Variants in CSMD1 observed in about 807,000 individuals in gnomAD.
CSMD1 encodes CUB and sushi domain-containing protein 1.
In CSMD1, 213 loss-of-function variants were observed where a neutral mutation model predicts 417.5. The observed-to-expected ratio is 0.51, with a 90% CI of 0.46 to 0.57. CSMD1 has a LOEUF of 0.57. Among genes scored for constraint, CSMD1 ranks in the 20% least tolerant of loss-of-function variants. The probability of loss-of-function intolerance (pLI) is 0.00; values close to 1 mark genes in which losing one functional copy is unlikely to be tolerated. For missense variants in CSMD1, 6,923 were observed against 4,529.7 expected (o/e 1.53, Z -15.17); for synonymous variants, 2,862 against 1,736.8 (o/e 1.65, Z -16.11).
intron 5 of CSMD1, among the ~76,000 whole-genome samples, chr8:3,778,163 G>C (rs956591927): frequency 5.3e-5 from 8 of 152,230 alleles, no homozygotes; most frequent in Non-Finnish European, 1.2e-4. Context: ...TGTCAGGATA[G>C]ATTAGAGGCG....
At chr8:3,464,970 C>G (rs1446884086) in intron 12 of CSMD1, among the ~76,000 whole-genome samples, 1 of 152,168 alleles carries the variant, frequency 6.6e-6, no homozygotes, top group Non-Finnish European at 1.5e-5. Context: ...TTCACACTCT[C>G]TCTCTCTCGT....
intron 3 of CSMD1, among the ~76,000 whole-genome samples, chr8:4,206,693 T>C (rs938137535): frequency 1.3e-5 from 2 of 152,226 alleles, no homozygotes; most frequent in African/African-American, 4.8e-5. Flanking sequence ...CCTTTGGGTA[T>C]ATACCCTGTA....
intron 5 of CSMD1, among the ~76,000 whole-genome samples, chr8:3,757,682 G>A (rs558092233): frequency 2.0e-5 from 3 of 151,990 alleles, no homozygotes; most frequent in African/African-American, 7.2e-5. Context: ...GGCCAACATG[G>A]TGAAACCCTG....
intron 5 of CSMD1, among the ~76,000 whole-genome samples, chr8:3,835,658 A>G (rs550764808): frequency 5.1e-4 from 78 of 151,836 alleles, no homozygotes; most frequent in African/African-American, 1.1e-3. Flanking sequence ...ACATGTATAC[A>G]TATGTAACAA....
chr8:4,578,575 G>T (rs1481518808), intron 2 of CSMD1, among the ~76,000 whole-genome samples: 1 of 151,264 alleles, frequency 6.6e-6, no homozygotes, highest in South Asian at 2.1e-4. Context: ...TCGGCATTTT[G>T]GGAGGCCAAG....
intron 5 of CSMD1, among the ~76,000 whole-genome samples, chr8:3,830,266 G>C (rs1190337017): frequency 1.3e-5 from 2 of 152,198 alleles, no homozygotes; most frequent in Non-Finnish European, 2.9e-5. Context: ...AATCAGCACA[G>C]TTAGTCACAT....
intron 3 of CSMD1, among the ~76,000 whole-genome samples, chr8:4,047,007 T>G (rs958888342): frequency 6.6e-6 from 1 of 152,304 alleles, no homozygotes; most frequent in South Asian, 2.1e-4. Context: ...ATGCATGACT[T>G]AGCCCTATAG....
chr8:3,547,808 A>C (rs1028760288), intron 10 of CSMD1, among the ~76,000 whole-genome samples: 3 of 152,196 alleles, frequency 2.0e-5, no homozygotes, highest in Non-Finnish European at 4.4e-5. Flanking sequence ...AAAGAAAATA[A>C]AATGATTAAA....
chr8:4,693,518 G>C (rs1806911700), intron 1 of CSMD1, among the ~76,000 whole-genome samples: 1 of 152,222 alleles, frequency 6.6e-6, no homozygotes. Flanking sequence ...TTTCACTTGA[G>C]TCTGCTTCTT....
chr8:4,118,853 C>G (rs1160034900), intron 3 of CSMD1, among the ~76,000 whole-genome samples: 1 of 152,148 alleles, frequency 6.6e-6, no homozygotes, highest in Non-Finnish European at 1.5e-5. Context: ...AAATGCTCAA[C>G]AATGTTAGAC....
chr8:4,411,764 C>T (rs1428829037), intron 3 of CSMD1, among the ~76,000 whole-genome samples: 1 of 152,146 alleles, frequency 6.6e-6, no homozygotes, highest in Non-Finnish European at 1.5e-5. Context: ...TATCCAAGTA[C>T]TTTATCTTTT....
chr8:3,364,293 C>G (rs1205465545), intron 20 of CSMD1, among the ~76,000 whole-genome samples: 7 of 152,158 alleles, frequency 4.6e-5, no homozygotes, highest in Non-Finnish European at 7.3e-5. Flanking sequence ...ACTTTGAAAT[C>G]CAAAGTGTTG....
Position 2,946,942 on chromosome 8 carries a change from G to A in CSMD1, c.10402+2357C>T, listed in dbSNP as rs1227694013. ...CTTGTGGACATGAAGGGGTATCCCA[G>A]TGTGGTTTTGATTTGCATTTCCCTG... On this transcript the variant is annotated intron_variant, in intron 68 of 69. Transcript: ENST00000635120. 1.3e-5 allele frequency among the ~76,000 whole-genome samples: 2 copies of A among 152,162 alleles called. 1 individual carries two copies. Among genetic ancestry groups the A allele is most frequent in the Admixed American group, 1.3e-4 (2 of 15,264 alleles).
At chr8:3,305,038 T>G (rs1157439933) in intron 25 of CSMD1, among the ~76,000 whole-genome samples, 1 of 152,174 alleles carries the variant, frequency 6.6e-6, no homozygotes, top group Non-Finnish European at 1.5e-5. Context: ...AGGACTAATA[T>G]TTAATTTAAT....
rs778729634 is a variant in CSMD1, at chr8:2,965,784, C to T, written c.9271G>A (p.Val3091Ile). 5.6e-6 allele frequency: 9 copies of T among 1,604,404 alleles called. No homozygotes were observed. The East Asian group carries it at 1.6e-4, about 28-fold the overall frequency. The change falls in exon 59 of 70, where the codon GTC becomes ATC. Residue 3091 changes from valine to isoleucine, a missense_variant. Val to Ile is a conservative substitution (Grantham distance 29). Transcript: ENST00000635120. ...GAGTCACCAAACAAACCTTTGCAGACAGGTTTGCTCGGATTCCACCTGCCG... is the reference window on the plus strand; with the variant it reads ...GAGTCACCAAACAAACCTTTGCAGATAGGTTTGCTCGGATTCCACCTGCCG... ...KDGRWNPSKP[V>I]CKAVLCPQPP...
chr8:3,614,865 T>A (rs1047251857), intron 8 of CSMD1, among the ~76,000 whole-genome samples: 2 of 152,164 alleles, frequency 1.3e-5, no homozygotes, highest in Non-Finnish European at 2.9e-5. Flanking sequence ...CACATCGTGA[T>A]GATGCACTGT....
intron 3 of CSMD1, among the ~76,000 whole-genome samples, chr8:4,255,412 C>T (rs1430059738): frequency 6.6e-6 from 1 of 152,166 alleles, no homozygotes; most frequent in East Asian, 1.9e-4. Flanking sequence ...AATATGCAAA[C>T]AGTAAAAATT....
intron 23 of CSMD1, among the ~76,000 whole-genome samples, chr8:3,325,294 C>A (rs1175027486): frequency 6.6e-6 from 1 of 152,142 alleles, no homozygotes; most frequent in Non-Finnish European, 1.5e-5. Flanking sequence ...TTTTATTACC[C>A]CTAGAGAAGA....
intron 1 of CSMD1, among the ~76,000 whole-genome samples, chr8:4,913,373 C>T (rs1188733361): frequency 2.0e-5 from 3 of 152,056 alleles, no homozygotes; most frequent in African/African-American, 4.8e-5. Flanking sequence ...TGGCGGGGGA[C>T]CATTGCTTTT....
Sources: gnomAD v4.1 joint callset for allele counts (sites outside exome capture counted in the v4.1 genomes callset) on GRCh38, gnomAD v4.1.1 for gene constraint, MANE v1.5 for transcripts, NCBI Gene and HGNC (gene_info 2026-07-23, HGNC 2026-07-21) for gene names.